RFX3: variants seen among roughly 807,000 people sequenced by gnomAD.
RFX3 encodes regulatory factor X3, also known as transcription factor RFX3.
A neutral mutation model predicts 98.6 loss-of-function variants in RFX3; 14 were observed. That is an observed-to-expected ratio of 0.14 (90% CI 0.09 to 0.22). The LOEUF (loss-of-function observed/expected upper bound fraction) is 0.22, where lower values mean the gene tolerates loss of function less well. Among genes scored for constraint, RFX3 ranks in the 10% least tolerant of loss-of-function variants. The pLI is 1.00. For missense variants in RFX3, 639 were observed against 926.9 expected (o/e 0.69, Z 4.03); for synonymous variants, 383 against 328.4 (o/e 1.17, Z -1.80).
chr9:3,268,247 T>C (rs1443352071), intron 11 of RFX3, among the ~76,000 whole-genome samples: 1 of 151,696 alleles, frequency 6.6e-6, no homozygotes, highest in Non-Finnish European at 1.5e-5. Flanking sequence ...AAAAAAGAAA[T>C]CCCATCTGGA....
chr9:3,263,477 G>C (rs1269205008), intron 12 of RFX3, among the ~76,000 whole-genome samples: 1 of 152,066 alleles, frequency 6.6e-6, no homozygotes, highest in Non-Finnish European at 1.5e-5. Flanking sequence ...AATTTTAAAA[G>C]TAGGGATGTG....
chr9:3,252,001 A>C (rs1821468289), intron 14 of RFX3, among the ~76,000 whole-genome samples: 1 of 152,126 alleles, frequency 6.6e-6, no homozygotes, highest in Admixed American at 6.6e-5. Flanking sequence ...AACATGCGCC[A>C]CCACGCCTGG....
At chr9:3,474,869 G>A (rs891214619) in intron 1 of RFX3, among the ~76,000 whole-genome samples, 3 of 152,160 alleles carry the variant, frequency 2.0e-5, no homozygotes, top group Admixed American at 6.5e-5. Context: ...GGCCAAGGAA[G>A]GAGAATCACT....
chr9:3,411,658 G>GTT (rs750145186), intron 1 of RFX3, among the ~76,000 whole-genome samples: 7 of 143,248 alleles, frequency 4.9e-5, no homozygotes, highest in East Asian at 2.0e-4. Flanking sequence ...GTGTGTGTGT[G>GTT]TTTTTTTTTT....
At chr9:3,438,059 C>G (rs1845307075) in intron 1 of RFX3, among the ~76,000 whole-genome samples, 1 of 151,982 alleles carries the variant, frequency 6.6e-6, no homozygotes, top group South Asian at 2.1e-4. Context: ...TACAAGCTGG[C>G]CATCTCCAAG....
chr9:3,405,290 T>C (rs1841855421), intron 1 of RFX3, among the ~76,000 whole-genome samples: 1 of 152,170 alleles, frequency 6.6e-6, no homozygotes, highest in Non-Finnish European at 1.5e-5. Flanking sequence ...TTTTTAAAAC[T>C]CTGTTTTAAA....
At position 3,353,194 on chromosome 9, in the gene RFX3, T is replaced by C. The variant is rs1320344621; in HGVS notation, c.118-6430A>G. 3.3e-5 allele frequency among the ~76,000 whole-genome samples: 4 copies of C among 120,520 alleles called. No homozygotes were observed. The East Asian group carries it at 1.1e-3, about 32-fold the overall frequency. The allele number at this position is 120,520 out of a possible 152,430, so 79.1% of individuals were successfully genotyped here. On this transcript the variant is annotated intron_variant, in intron 2 of 16. Coordinates refer to ENST00000617270, the MANE Select transcript of RFX3 (RefSeq NM_001282116.2). The stretch of plus-strand genomic sequence containing the variant: ...GGGGAACATCACACTCTGGGGACTG[T>C]TGTGGGGTAGGGGGAGGGGGGAGGG...
At chr9:3,484,528 G>A (rs1247477037) in intron 1 of RFX3, among the ~76,000 whole-genome samples, 1 of 152,142 alleles carries the variant, frequency 6.6e-6, no homozygotes, top group Non-Finnish European at 1.5e-5. Context: ...TAATGTATCT[G>A]CCACATTTAA....
intron 1 of RFX3, among the ~76,000 whole-genome samples, chr9:3,500,269 A>G (rs552701256): frequency 4.3e-4 from 65 of 152,316 alleles, no homozygotes; most frequent in African/African-American, 1.6e-3. Context: ...TAGCAAAGCA[A>G]AGCACAGCAC....
intron 14 of RFX3, among the ~76,000 whole-genome samples, chr9:3,251,788 C>A (rs917000405): frequency 6.6e-6 from 1 of 152,098 alleles, no homozygotes; most frequent in Non-Finnish European, 1.5e-5. Flanking sequence ...ATCACAGATA[C>A]AGAATGAGTC....
At chr9:3,480,693 A>G (rs568281347) in intron 1 of RFX3, among the ~76,000 whole-genome samples, 9 of 152,334 alleles carry the variant, frequency 5.9e-5, no homozygotes, top group African/African-American at 2.2e-4. Flanking sequence ...AATCTTAATT[A>G]TAAGTGGAAC....
chr9:3,357,248 C>G (rs1352346232), intron 2 of RFX3, among the ~76,000 whole-genome samples: 8 of 151,856 alleles, frequency 5.3e-5, no homozygotes, highest in Non-Finnish European at 1.2e-4. Flanking sequence ...TCAAACATAG[C>G]CTCTCCGCTC....
intron 2 of RFX3, among the ~76,000 whole-genome samples, chr9:3,365,162 T>G (rs1020159609): frequency 6.6e-6 from 1 of 151,888 alleles, no homozygotes; most frequent in Non-Finnish European, 1.5e-5. Flanking sequence ...TAACCGGGCA[T>G]GGTGTTGCAC....
chr9:3,280,405 T>C (rs1028959567), intron 7 of RFX3, among the ~76,000 whole-genome samples: 2 of 151,784 alleles, frequency 1.3e-5, no homozygotes, highest in Non-Finnish European at 2.9e-5. Context: ...GACAATGTAT[T>C]GTCTGGCAAT....
chr9:3,225,112 T>G lies in RFX3; in HGVS notation c.2180A>C (p.Glu727Ala). The change falls in exon 17 of 17, where the codon GAG (glutamate) becomes GCG (alanine). Residue 727 changes from glutamate (E) to alanine (A), a missense_variant. Physicochemically the swap from Glu to Ala is moderately radical, Grantham distance 107 (BLOSUM62 -1). Coordinates refer to ENST00000617270, the MANE Select transcript of RFX3 (RefSeq NM_001282116.2). ...AGTCTGAGTACTTGTGACAATGTGC[T>G]CGCTGTGAATTGGATTCAGGAGGCT... ...QPSLLNPIHS[E>A]HIVTSTQTIR... 1.9e-6 allele frequency: 3 copies of G among 1,614,006 alleles called. No homozygotes were observed. Among genetic ancestry groups the G allele is most frequent in the Non-Finnish European group, 2.5e-6 (3 of 1,179,936 alleles).
At chr9:3,523,544 A>G (rs1401842387) in intron 1 of RFX3, among the ~76,000 whole-genome samples, 3 of 152,206 alleles carry the variant, frequency 2.0e-5, no homozygotes, top group East Asian at 3.8e-4. Flanking sequence ...CCTGAGCTAT[A>G]CATGAGTGAA....
chr9:3,324,789 A>G (rs1390670836), intron 4 of RFX3, among the ~76,000 whole-genome samples: 2 of 151,790 alleles, frequency 1.3e-5, no homozygotes, highest in Non-Finnish European at 2.9e-5. Context: ...ATGGTGAAAC[A>G]CCGTCTCTAC....
chr9:3,338,603 G>C (rs1485402140), intron 3 of RFX3, among the ~76,000 whole-genome samples: 1 of 152,136 alleles, frequency 6.6e-6, no homozygotes, highest in African/African-American at 2.4e-5. Flanking sequence ...GCAACACAGA[G>C]AGCTAGGTCC....
chr9:3,450,869 A>T (rs1406390971), intron 1 of RFX3, among the ~76,000 whole-genome samples: 1 of 152,236 alleles, frequency 6.6e-6, no homozygotes, highest in Admixed American at 6.5e-5. Context: ...GACTTAATTT[A>T]GTACTACCTG....
Sources: gnomAD v4.1 joint callset for allele counts (sites outside exome capture counted in the v4.1 genomes callset) on GRCh38, gnomAD v4.1.1 for gene constraint, MANE v1.5 for transcripts, NCBI Gene and HGNC (gene_info 2026-07-23, HGNC 2026-07-21) for gene names.